The following MAN2B2 variants were observed in gnomAD, a reference collection of about 807,000 sequenced individuals.
MAN2B2 encodes the protein epididymis-specific alpha-mannosidase.
In MAN2B2, 106 loss-of-function variants were observed where a neutral mutation model predicts 117.1. That is an observed-to-expected ratio of 0.90 (90% CI 0.77 to 1.06). MAN2B2 has a LOEUF of 1.06. Ranked by LOEUF, MAN2B2 falls within the 50% of genes least tolerant of loss-of-function variation. The pLI is 0.00. For missense variants in MAN2B2, 1,326 were observed against 1,381.4 expected, an observed-to-expected ratio of 0.96 and a Z score of 0.64; for synonymous variants, 544 against 595.1, an observed-to-expected ratio of 0.91 and a Z score of 1.25.
intron 12 of MAN2B2, chr4:6,609,516 G>T: frequency 1.6e-6 from 1 of 631,918 alleles, no homozygotes; most frequent in Non-Finnish European, 2.7e-6. Context: ...AGAGCTGGGA[G>T]AGAGACCCAC....
chr4:6,597,700 G>A (rs1727158920), intron 8 of MAN2B2, among the ~76,000 whole-genome samples: 1 of 152,210 alleles, frequency 6.6e-6, no homozygotes, highest in South Asian at 2.1e-4. Context: ...CAGGAGGACG[G>A]TGGGGCAATT....
At chr4:6,581,687 C>G (rs112907187) in intron 3 of MAN2B2, among the ~76,000 whole-genome samples, 90 of 151,418 alleles carry the variant, frequency 5.9e-4, no homozygotes, top group African/African-American at 2.1e-3. Context: ...AAGACAGGAG[C>G]AGGCTGGTGC....
intron 12 of MAN2B2, 188 bp from the exon 13 acceptor site, chr4:6,609,610 G>A (rs1014135671): frequency 2.4e-5 from 17 of 713,302 alleles, no homozygotes; most frequent in African/African-American, 7.1e-5. Context: ...CTGCGGTGTC[G>A]GGGAACCAGG....
intron 15 of MAN2B2, among the ~76,000 whole-genome samples, chr4:6,612,441 A>G (rs10937748): frequency 0.26 from 39,586 of 152,172 alleles, 6,000 homozygotes; most frequent in African/African-American, 0.42. Context: ...TGGAAGTAAC[A>G]GAGCCTGAAG....
At chr4:6,609,330 GCA>G (rs1560658986) in intron 12 of MAN2B2, 32 bp downstream of exon 12, 1 of 1,602,970 alleles carries the variant, frequency 6.2e-7, no homozygotes, top group Non-Finnish European at 8.5e-7. Flanking sequence ...CCACAGCCCG[GCA>G]CACAGTCAGC....
intron 17 of MAN2B2, 132 bp downstream of exon 17, chr4:6,617,624 G>C: frequency 1.3e-6 from 2 of 1,516,132 alleles, no homozygotes; most frequent in Non-Finnish European, 1.8e-6. Context: ...GCCCCACCCC[G>C]CCCTTCTTCA....
intron 11 of MAN2B2, among the ~76,000 whole-genome samples, chr4:6,608,201 C>T (rs1270940472): frequency 6.6e-6 from 1 of 152,140 alleles, no homozygotes; most frequent in Non-Finnish European, 1.5e-5. Flanking sequence ...TTTTGATGGC[C>T]CCTGGGGGAG....
chr4:6,591,472 C>T (rs11723304), intron 5 of MAN2B2, among the ~76,000 whole-genome samples: 53,891 of 152,128 alleles, frequency 0.35, 10,183 homozygotes, highest in East Asian at 0.47. Context: ...GGGGCGGGTG[C>T]CCTCCGACTC....
At chr4:6,599,270 T>C (rs1727227998) in intron 9 of MAN2B2, among the ~76,000 whole-genome samples, 1 of 150,590 alleles carries the variant, frequency 6.6e-6, no homozygotes, top group Admixed American at 6.6e-5. Flanking sequence ...GCTTATTGTT[T>C]TATTTTTATT....
At chr4:6,617,721 C>A in intron 17 of MAN2B2, 1 of 699,278 alleles carries the variant, frequency 1.4e-6, no homozygotes, top group Non-Finnish European at 2.2e-6. Flanking sequence ...CACTCTGTTG[C>A]CCAGTCTGGG....
At chr4:6,614,174 T>G (rs1435157030) in intron 15 of MAN2B2, 44 bp from the exon 16 acceptor site, 2 of 1,594,414 alleles carry the variant, frequency 1.3e-6, no homozygotes, top group African/African-American at 2.7e-5. Flanking sequence ...GGAGGAGGAG[T>G]TGAGCCCCAA....
intron 16 of MAN2B2, among the ~76,000 whole-genome samples, chr4:6,615,789 G>A (rs1448403727): frequency 2.0e-5 from 3 of 151,724 alleles, no homozygotes; most frequent in Admixed American, 2.0e-4. Flanking sequence ...AACAGAGCAA[G>A]ACCCTGTCTC....
At chr4:6,610,123 GCAGTAGAGGC>G (rs138906888) in intron 13 of MAN2B2, 73 bp downstream of exon 13, 20 of 1,586,246 alleles carry the variant, frequency 1.3e-5, no homozygotes, top group Admixed American at 5.1e-5. Flanking sequence ...TCAAATTGCA[GCAGTAGAGGC>G]CAGTAGAGGC....
At position 6,593,218 on chromosome 4, in the gene MAN2B2, C is replaced by CA. The variant is rs1450527989; in HGVS notation, c.726_727insA (p.Gln243ThrfsTer10). The CA allele has an allele frequency of 6.2e-7, 1 of 1,613,788 alleles. No homozygotes were observed. Among genetic ancestry groups the CA allele is most frequent in the South Asian group, 1.1e-5 (1 of 91,032 alleles). ...GCGTGGCTGTCTTCCCCAAGCCTCC[C>CA]CAAGATGGGGTGTACCCCAACATGA... On this transcript the variant is annotated frameshift_variant, in exon 6 of 19. Coordinates refer to ENST00000285599, the MANE Select transcript of MAN2B2 (RefSeq NM_015274.3). LOFTEE classifies it high-confidence loss of function.
chr4:6,581,327 G>C (rs934661186), intron 3 of MAN2B2, among the ~76,000 whole-genome samples: 1 of 152,184 alleles, frequency 6.6e-6, no homozygotes, highest in Non-Finnish European at 1.5e-5. Flanking sequence ...CTGGTAGCAA[G>C]TGGTACTGTT....
chr4:6,579,102 C>T (rs1341032848), intron 3 of MAN2B2, among the ~76,000 whole-genome samples: 6 of 75,652 alleles, frequency 7.9e-5, no homozygotes, highest in Admixed American at 1.3e-4. Flanking sequence ...ATCACCAGCA[C>T]CACCACCATC....
chr4:6,577,847 G>A (rs1726128279), intron 2 of MAN2B2, among the ~76,000 whole-genome samples: 2 of 152,230 alleles, frequency 1.3e-5, no homozygotes, highest in Admixed American at 1.3e-4. Context: ...TTCATTCACT[G>A]CTGAACCCCC....
At position 6,576,450 on chromosome 4, in the gene MAN2B2, G is replaced by T. The variant is rs955887822; in HGVS notation, c.139-128G>T. The T allele has an allele frequency of 5.2e-5, 56 of 1,084,992 alleles. No homozygotes were observed. In the African/African-American group the frequency reaches 6.7e-4, roughly 13 times the overall value. 67.2% of individuals were successfully genotyped at this position (1,084,992 alleles called of 1,614,324 possible). Reference sequence around the variant, plus strand: ...GAGCGAGTGCCTAATAGCTGTGTGGGGGGTGAGCAGCAGGGAAGGAAGGGC... The same window carrying T: ...GAGCGAGTGCCTAATAGCTGTGTGGTGGGTGAGCAGCAGGGAAGGAAGGGC... On this transcript the variant is annotated intron_variant, in intron 1 of 18. Coordinates refer to ENST00000285599, the MANE Select transcript of MAN2B2 (RefSeq NM_015274.3).
Position 6,598,260 on chromosome 4 carries a change from G to A in MAN2B2, c.1311G>A (p.Thr437=), listed in dbSNP as rs373027055. The part of the protein sequence containing the change: ...ESPKVRDMYA[T]HLASGMLGMR... ...CCAAGGTGAGAGACATGTACGCAAC[G>A]CACCTGGCCTCGGGGATGCTGGGCA... The change falls in exon 9 of 19, where the codon ACG becomes ACA. Residue 437 remains threonine, a synonymous_variant. Coordinates refer to ENST00000285599, the MANE Select transcript of MAN2B2 (RefSeq NM_015274.3). The A allele has an allele frequency of 4.2e-5, 68 of 1,613,626 alleles. No individual in the cohort carries two copies. In the African/African-American group the frequency reaches 6.9e-4, roughly 16 times the overall value.
Sources: gnomAD v4.1 joint callset for allele counts (sites outside exome capture counted in the v4.1 genomes callset) on GRCh38, gnomAD v4.1.1 for gene constraint, MANE v1.5 for transcripts, NCBI Gene and HGNC (gene_info 2026-07-23, HGNC 2026-07-21) for gene names.